Variants in HSF4 observed in about 807,000 individuals in gnomAD.
HSF4 encodes heat shock factor protein 4.
HSF4 carries 41 observed loss-of-function variants against 52.0 expected under a neutral mutation model. That is an observed-to-expected ratio of 0.79 (90% CI 0.61 to 1.02). The LOEUF (loss-of-function observed/expected upper bound fraction) is 1.02. HSF4 is among the 50% of genes least tolerant of loss of function. The pLI, the probability that HSF4 is intolerant of heterozygous loss-of-function variation, is 0.00. For missense variants in HSF4, 610 were observed against 651.1 expected (o/e 0.94, Z 0.69); for synonymous variants, 285 against 273.0 (o/e 1.04, Z -0.43).
upstream of HSF4, chr16:67,163,875 G>GA (rs1555549589): frequency 8.5e-6 from 13 of 1,526,696 alleles, no homozygotes; most frequent in Admixed American, 1.4e-4. Flanking sequence ...AGAGGGAACG[G>GA]GGGGGGTGTC....
Position 67,169,189 on chromosome 16 carries a change from G to A in HSF4, c.1254+88G>A, listed in dbSNP as rs2031552300. 11 of 1,606,724 alleles carry A rather than the reference G, an allele frequency of 6.8e-6. No individual in the cohort carries two copies. The East Asian group carries it at 2.5e-4, about 36-fold the overall frequency. On this transcript the variant is annotated intron_variant, in intron 11 of 12. Coordinates refer to ENST00000521374, the MANE Select transcript of HSF4 (RefSeq NM_001374675.1). The surrounding 1 kb of genome is among the most constrained non-coding windows in gnomAD (Gnocchi z 4.3). ...GCTGTTCTCTGTGAGCCAAAGCCGTGTCTCTAGAAGAATTGTCACAGTGAT... is the reference window on the plus strand; with the variant it reads ...GCTGTTCTCTGTGAGCCAAAGCCGTATCTCTAGAAGAATTGTCACAGTGAT...
chr16:67,167,938 T>C lies in HSF4; in HGVS notation c.1073T>C (p.Ile358Thr), dbSNP rs768426551. 1.3e-6 allele frequency: 2 copies of C among 1,592,764 alleles called. No homozygotes were observed. Among genetic ancestry groups the C allele is most frequent in the South Asian group, 1.1e-5 (1 of 89,302 alleles). Residue 358 changes from isoleucine to threonine, a missense_variant, in exon 9 of 13, where the codon ATA becomes ACA. Physicochemically the swap from Ile to Thr is moderately conservative, Grantham distance 89. Coordinates refer to ENST00000521374, the MANE Select transcript of HSF4 (RefSeq NM_001374675.1). ...QQPEPGDPRE[I>T]PDRGPLGLES... Reference sequence around the variant, plus strand: ...CCTGAACCAGGGGATCCCAGGGAGATACCTGACAGGTGAGCAGAGCCCCAG... The same window carrying C: ...CCTGAACCAGGGGATCCCAGGGAGACACCTGACAGGTGAGCAGAGCCCCAG...
chr16:67,167,601 T>G lies in HSF4; in HGVS notation c.854+2T>G, dbSNP rs1597242107. On this transcript the variant is annotated splice_donor_variant, in intron 8 of 12. Transcript: ENST00000521374. LOFTEE classifies it high-confidence loss of function. ...TTCTCCCTCCAGTGATGGCAGGAGG[T>G]AAGGGGGACAGGGCTGCCCCTGAGG... is the stretch of plus-strand genomic sequence containing the variant. The G allele has an allele frequency of 6.2e-7, 1 of 1,612,806 alleles. No individual in the cohort carries two copies. Among genetic ancestry groups the G allele is most frequent in the South Asian group, 1.1e-5 (1 of 91,048 alleles).
chr16:67,166,480 C>T (rs1052100454), intron 5 of HSF4, 78 bp from the exon 6 acceptor site: 1 of 1,599,328 alleles, frequency 6.3e-7, no homozygotes, highest in African/African-American at 1.3e-5. Flanking sequence ...CCCTGTTAAG[C>T]CTTCCTCCCT....
chr16:67,166,761 A>G, intron 6 of HSF4, 139 bp downstream of exon 6: 1 of 814,906 alleles, frequency 1.2e-6, no homozygotes, highest in Non-Finnish European at 2.0e-6. Context: ...TCCTCACCCC[A>G]TCTAGGATCC....
Position 67,164,875 on chromosome 16 carries a change from G to A in HSF4, c.64G>A (p.Gly22Ser), listed in dbSNP as rs1180283389. 1.9e-6 allele frequency: 3 copies of A among 1,607,458 alleles called. No homozygotes were observed. Among genetic ancestry groups the A allele is most frequent in the Non-Finnish European group, 2.5e-6 (3 of 1,179,082 alleles). ...CCCCAGCCCCGTGCCTGCCTTCCTC[G>A]GCAAGCTATGGGCGCTGGTGGGGGA... ...PGPSPVPAFL[G>S]KLWALVGDPG... The change falls in exon 1 of 13, where the codon GGC (glycine) becomes AGC (serine). Residue 22 changes from glycine (G) to serine (S), a missense_variant. By Grantham distance (56) the Gly-to-Ser change is moderately conservative (BLOSUM62 0). Coordinates refer to ENST00000521374, the MANE Select transcript of HSF4 (RefSeq NM_001374675.1).
rs753527470 is a variant in HSF4 at position 67,169,384 on chromosome 16, C to T, written c.1324+36C>T. 17 of 1,601,576 alleles carry T rather than the reference C, an allele frequency of 1.1e-5. No individual in the cohort carries two copies. In the African/African-American group the frequency reaches 1.1e-4, roughly 10 times the overall value. ...TGATGACTCCTACCTGGGAGGACGC[C>T]GTGATTGGGCTGAGCTACCTTGATT... On this transcript the variant is annotated intron_variant, in intron 12 of 12. Coordinates refer to ENST00000521374, the MANE Select transcript of HSF4 (RefSeq NM_001374675.1). The surrounding 1 kb of genome is among the most constrained non-coding windows in gnomAD (Gnocchi z 4.3).
In HSF4 at chr16:67,169,878, C is replaced by T; in HGVS notation, c.*93C>T. On this transcript the variant is annotated 3_prime_UTR_variant, in exon 13 of 13. Coordinates refer to ENST00000521374, the MANE Select transcript of HSF4 (RefSeq NM_001374675.1). The surrounding 1 kb of genome is among the most constrained non-coding windows in gnomAD (Gnocchi z 4.3). ...CCCCTATCGGGGGTGAGCGAAGCCC[C>T]CACTACTAAATGGCCTCTCTCCACT... is the stretch of plus-strand genomic sequence containing the variant. The T allele has an allele frequency of 5.8e-6, 8 of 1,377,928 alleles. No homozygotes were observed. Among genetic ancestry groups the T allele is most frequent in the Non-Finnish European group, 8.2e-6 (8 of 970,296 alleles). 85.4% of individuals were successfully genotyped at this position (1,377,928 alleles called of 1,614,324 possible). A position where few individuals can be genotyped will look rare whatever the true frequency, so the allele number is the denominator to read the frequency against.
chr16:67,168,806 G>A (rs757394719), intron 9 of HSF4, 25 bp from the exon 10 acceptor site: 6 of 1,582,552 alleles, frequency 3.8e-6, no homozygotes, highest in Non-Finnish European at 4.3e-6. Flanking sequence ...GACACTGCAG[G>A]CCAAAAGCAG....
chr16:67,164,972 G>A (rs777428756), intron 1 of HSF4, 38 bp downstream of exon 1: 212 of 1,558,880 alleles, frequency 1.4e-4, no homozygotes, highest in Non-Finnish European at 1.7e-4. Context: ...CTGTGGTCCC[G>A]GGGTCCCTCC....
intron 8 of HSF4, 36 bp from the exon 9 acceptor site, chr16:67,167,684 G>A (rs748315944): frequency 1.2e-6 from 2 of 1,612,166 alleles, no homozygotes; most frequent in African/African-American, 1.3e-5. Context: ...GGAGAAGTCA[G>A]TGCCAGGGTC....
In HSF4 at chr16:67,167,519, GGGCCCCA is replaced by G. The variant is rs1303965093; in HGVS notation, c.775_781del (p.Gly259SerfsTer58). On this transcript the variant is annotated frameshift_variant, in exon 8 of 13. Transcript: ENST00000521374. LOFTEE classifies it high-confidence loss of function. ...TGGGCCTTAGCCCTCACAGGGCCAG[GGGCCCCA>G]TCATCTCTGACATCCCAGAAGACTC... 3 of 1,613,806 alleles carry G rather than the reference GGGCCCCA, an allele frequency of 1.9e-6. No homozygotes were observed. The Admixed American group carries it at 5.0e-5, about 27-fold the overall frequency.
At chr16:67,168,132 C>T (rs1488437115) in intron 9 of HSF4, among the ~76,000 whole-genome samples, 185 bp downstream of exon 9, 1 of 152,232 alleles carries the variant, frequency 6.6e-6, no homozygotes, top group Admixed American at 6.5e-5. Context: ...TAGGAACCTA[C>T]ATATGAAATG....
chr16:67,165,915 A>T lies in HSF4; in HGVS notation c.361-31A>T. On this transcript the variant is annotated intron_variant, in intron 3 of 12. Transcript: ENST00000521374. This position sits in a 1 kb window ranked among gnomAD's most constrained non-coding sequence, Gnocchi z 6.9. ...TGGGACTGCCTGCCTTGCTCCTGCG[A>T]CCCAGTCCCGACGGTGCCTCCCGCC... The T allele has an allele frequency of 6.3e-7, 1 of 1,586,166 alleles. No homozygotes were observed. Among genetic ancestry groups the T allele is most frequent in the Non-Finnish European group, 8.5e-7 (1 of 1,174,240 alleles).
At chr16:67,164,154 A>T (rs1470689448), upstream of HSF4, 11 of 607,768 alleles carry the variant, frequency 1.8e-5, 1 homozygote, top group Middle Eastern at 1.3e-3. Context: ...GGTGAGTGTG[A>T]AATAAACAAA....
Position 67,169,911 on chromosome 16 carries a change from C to A in HSF4, c.*126C>A. 1 of 931,266 alleles carries A rather than the reference C, an allele frequency of 1.1e-6. No individual in the cohort carries two copies. Among genetic ancestry groups the A allele is most frequent in the Non-Finnish European group, 1.7e-6 (1 of 586,724 alleles). 57.7% of individuals were successfully genotyped at this position (931,266 alleles called of 1,614,324 possible). A position where few individuals can be genotyped will look rare whatever the true frequency, so the allele number is the denominator to read the frequency against. Reference sequence around the variant, plus strand: ...AAATGGCCTCTCTCCACTACCCCGACTATCCCTGCACATAAACTCCGTTTT... The same window carrying A: ...AAATGGCCTCTCTCCACTACCCCGAATATCCCTGCACATAAACTCCGTTTT... On this transcript the variant is annotated 3_prime_UTR_variant, in exon 13 of 13. Coordinates refer to ENST00000521374, the MANE Select transcript of HSF4 (RefSeq NM_001374675.1). This position sits in a 1 kb window ranked among gnomAD's most constrained non-coding sequence, Gnocchi z 4.3.
rs766841641 is a variant in HSF4, at chr16:67,167,768, G to A, written c.903G>A (p.Gly301=). The A allele has an allele frequency of 5.6e-6, 9 of 1,604,412 alleles. No homozygotes were observed. Among genetic ancestry groups the A allele is most frequent in the Non-Finnish European group, 6.0e-6 (7 of 1,175,930 alleles). ...LLKEEPASPG[G]DGEAGLALAP... Reference sequence around the variant, plus strand: ...AAGAAGAGCCGGCCAGTCCAGGGGGGGATGGCGAGGCCGGGCTGGCCCTGG... The same window carrying A: ...AAGAAGAGCCGGCCAGTCCAGGGGGAGATGGCGAGGCCGGGCTGGCCCTGG... The change falls in exon 9 of 13, where the codon GGG becomes GGA. Residue 301 remains glycine, a synonymous_variant. Coordinates refer to ENST00000521374, the MANE Select transcript of HSF4 (RefSeq NM_001374675.1).
At position 67,169,216 on chromosome 16, in the gene HSF4, T is replaced by C; in HGVS notation, c.1255-63T>C. 1.9e-6 allele frequency: 3 copies of C among 1,608,872 alleles called. No homozygotes were observed. Among genetic ancestry groups the C allele is most frequent in the Non-Finnish European group, 8.5e-7 (1 of 1,177,902 alleles). On this transcript the variant is annotated intron_variant, in intron 11 of 12. Coordinates refer to ENST00000521374, the MANE Select transcript of HSF4 (RefSeq NM_001374675.1). The surrounding 1 kb of genome is among the most constrained non-coding windows in gnomAD (Gnocchi z 4.3). ...CTCTAGAAGAATTGTCACAGTGATT[T>C]CCCAGCTGTCCCCCTCAGCTGCTAG...
chr16:67,166,010 A>AGGTGCAGGCTTTGCGGGG lies in HSF4; in HGVS notation c.426_443dup (p.Ala145_Gln150dup), dbSNP rs760351849. 7.2e-5 allele frequency: 106 copies of AGGTGCAGGCTTTGCGGGG among 1,474,414 alleles called. 1 individual carries two copies. The highest frequency in any genetic ancestry group is 8.7e-5 in the Non-Finnish European group (97 of 1,111,882). The allele number at this position is 1,474,414 out of a possible 1,614,324, so 91.3% of individuals were successfully genotyped here. On this transcript the variant is annotated inframe_insertion, in exon 4 of 13. Transcript: ENST00000521374. ...GAGGACCTGGGTCGACTACTGGGCG[A>AGGTGCAGGCTTTGCGGGG]GGTGCAGGCTTTGCGGGGAGTGCAG...
Sources: allele counts gnomAD v4.1 joint callset (sites outside exome capture counted in the v4.1 genomes callset), GRCh38; gene constraint gnomAD v4.1.1; non-coding constraint Gnocchi (gnomAD v3.1); transcripts MANE v1.5; gene names NCBI Gene and HGNC (gene_info 2026-07-23, HGNC 2026-07-21).